The following ZNF516 variants were observed in gnomAD, a reference collection of about 807,000 sequenced individuals.
ZNF516 encodes zinc finger protein 516.
A neutral mutation model predicts 79.7 loss-of-function variants in ZNF516; 19 were observed. The ratio of observed to expected loss-of-function variants is 0.24; its 90% CI spans 0.17 to 0.35. ZNF516 has a LOEUF of 0.35. Among genes scored for constraint, ZNF516 ranks in the 10% least tolerant of loss-of-function variants. The probability of loss-of-function intolerance (pLI) is 1.00; values close to 1 mark genes in which losing one functional copy is unlikely to be tolerated. For missense variants in ZNF516, 1,678 were observed against 1,679.5 expected, an observed-to-expected ratio of 1.00 and a Z score of 0.02; for synonymous variants, 877 against 739.5, an observed-to-expected ratio of 1.19 and a Z score of -3.02.
chr18:76,405,249 A>C lies in ZNF516; in HGVS notation c.1811-24946T>G, dbSNP rs889593563. ...CATCAGACAGACTGTGTCTTTTTTG[A>C]GACAGGGGTTTGACTCTTGCCCAGG... is the stretch of plus-strand genomic sequence containing the variant. On this transcript the variant is annotated intron_variant, in intron 3 of 6. Coordinates refer to ENST00000443185, the MANE Select transcript of ZNF516 (RefSeq NM_014643.4). Among the ~76,000 whole-genome samples, 9 of 151,316 alleles carry C rather than the reference A, an allele frequency of 5.9e-5. 1 individual carries two copies. In the East Asian group the frequency reaches 1.8e-3, roughly 30 times the overall value.
In ZNF516 at chr18:76,441,712, GC is replaced by G; in HGVS notation, c.1342del (p.Ala448ProfsTer12). 1 of 1,572,534 alleles carries G rather than the reference GC, an allele frequency of 6.4e-7. No homozygotes were observed. The highest frequency in any genetic ancestry group is 8.6e-7 in the Non-Finnish European group (1 of 1,163,076). On this transcript the variant is annotated frameshift_variant, in exon 3 of 7. Coordinates refer to ENST00000443185, the MANE Select transcript of ZNF516 (RefSeq NM_014643.4). LOFTEE classifies it high-confidence loss of function. ...GTACTCGCGCCTGTCCTTGTCGAAG[GC>G]CACGTCCCCGGCCAGCGCCTCGTCC... ...AWDEALAGDV[A>X]FDKDRREYVL... is the part of the protein sequence containing the mutation.
rs547051837 is a variant in ZNF516, at chr18:76,360,820, A to G, written c.*1678T>C. 7.0e-6 allele frequency: 1 copy of G among 143,560 alleles called. No individual in the cohort carries two copies. Among genetic ancestry groups the G allele is most frequent in the Non-Finnish European group, 1.5e-5 (1 of 66,970 alleles). The allele number at this position is 143,560 out of a possible 1,614,324, so 8.9% of individuals were successfully genotyped here. A position where few individuals can be genotyped will look rare whatever the true frequency, so the allele number is the denominator to read the frequency against. ...AATAATAATAATAATAATAATAATA[A>G]TATAATAATATTCAACAAATCATTA... On this transcript the variant is annotated 3_prime_UTR_variant, in exon 7 of 7. Transcript: ENST00000443185.
In ZNF516 at chr18:76,379,989, T is replaced by G. The variant is rs760000922; in HGVS notation, c.2125A>C (p.Lys709Gln). 5 of 1,613,812 alleles carry G rather than the reference T, an allele frequency of 3.1e-6. No individual in the cohort carries two copies. The South Asian group carries it at 5.5e-5, about 18-fold the overall frequency. Residue 709 changes from lysine (K) to glutamine (Q), a missense_variant, in exon 4 of 7, where the codon AAG (lysine) becomes CAG (glutamine). By Grantham distance (53) the Lys-to-Gln change is moderately conservative. Around this residue, in one of 5 missense-constraint regions of ZNF516, gnomAD observed 1,294 missense variants for 1,248.3 expected, o/e 1.04. Transcript: ENST00000443185. Reference protein sequence around the residue: ...AEGQTGHPAEKLSDLHNKEHS... With the variant: ...AEGQTGHPAEQLSDLHNKEHS... ...TCCTTGTTGTGCAAATCGGACAGCTTTTCTGCAGGGTGACCCGTCTGGCCC... is the reference window on the plus strand; with the variant it reads ...TCCTTGTTGTGCAAATCGGACAGCTGTTCTGCAGGGTGACCCGTCTGGCCC...
upstream of ZNF516, chr18:76,495,526 T>C (rs1289163819): frequency 9.7e-6 from 2 of 206,806 alleles, no homozygotes; most frequent in Non-Finnish European, 2.1e-5. Context: ...TCTGCCACAC[T>C]GAGGGGACAG....
chr18:76,426,362 T>C (rs1466467675), intron 3 of ZNF516, among the ~76,000 whole-genome samples: 1 of 152,122 alleles, frequency 6.6e-6, no homozygotes, highest in Non-Finnish European at 1.5e-5. Context: ...AGACCAGACA[T>C]TTCCCCCATG....
In ZNF516 at chr18:76,357,875, A is replaced by G. The variant is rs2074478714; in HGVS notation, c.*4623T>C. Among the ~76,000 whole-genome samples the G allele has an allele frequency of 6.6e-6, 1 of 152,134 alleles. No individual in the cohort carries two copies. The highest frequency in any genetic ancestry group is 2.4e-5 in the African/African-American group (1 of 41,428). On this transcript the variant is annotated 3_prime_UTR_variant, in exon 7 of 7. Coordinates refer to ENST00000443185, the MANE Select transcript of ZNF516 (RefSeq NM_014643.4). ...TGCGTCCTGTATGGGTGACAGTGCA[A>G]GGGTAAGAACAGTGGGTGTATTCAG...
intron 2 of ZNF516, among the ~76,000 whole-genome samples, chr18:76,445,614 A>G (rs1911995990): frequency 6.6e-6 from 1 of 152,246 alleles, no homozygotes; most frequent in African/African-American, 2.4e-5. Context: ...GGAAGAAAAG[A>G]AAAACAACTA....
At chr18:76,485,429 G>A (rs753970380) in intron 1 of ZNF516, among the ~76,000 whole-genome samples, 1 of 152,174 alleles carries the variant, frequency 6.6e-6, no homozygotes, top group Non-Finnish European at 1.5e-5. Context: ...TCACGTTCTC[G>A]AAGCAAAGCC....
intron 1 of ZNF516, chr18:76,490,718 G>A (rs2145834003): frequency 5.2e-6 from 5 of 960,306 alleles, no homozygotes; most frequent in East Asian, 1.2e-4. Context: ...CAGGCTGACG[G>A]GGGCAATGCC....
chr18:76,424,917 T>A (rs1373087132), intron 3 of ZNF516, among the ~76,000 whole-genome samples: 1 of 104,844 alleles, frequency 9.5e-6, no homozygotes, highest in African/African-American at 3.8e-5. Flanking sequence ...GAAACACACA[T>A]GCAGGTGAAA....
chr18:76,459,791 A>G lies in ZNF516; in HGVS notation c.-158+3237T>C, dbSNP rs888363708. On this transcript the variant is annotated intron_variant, in intron 2 of 6. Transcript: ENST00000443185. The surrounding 1 kb of genome is among the most constrained non-coding windows in gnomAD (Gnocchi z 5.0). ...CGCGGGAGGATTCAGGGCCAACTGC[A>G]GGCCCCCGGAGACGAGGTTAGACGG... Among the ~76,000 whole-genome samples the G allele has an allele frequency of 2.0e-5, 3 of 152,208 alleles. No individual in the cohort carries two copies. Among genetic ancestry groups the G allele is most frequent in the African/African-American group, 7.2e-5 (3 of 41,452 alleles).
At chr18:76,417,706 C>T (rs1248489514) in intron 3 of ZNF516, among the ~76,000 whole-genome samples, 3 of 152,180 alleles carry the variant, frequency 2.0e-5, no homozygotes, top group Non-Finnish European at 4.4e-5. Flanking sequence ...AAATACCACA[C>T]TCAACATTTT....
intron 2 of ZNF516, among the ~76,000 whole-genome samples, chr18:76,448,623 GTC>G (rs1333444493): frequency 6.6e-6 from 1 of 152,202 alleles, no homozygotes; most frequent in Non-Finnish European, 1.5e-5. Context: ...AGCGGAAGCA[GTC>G]TCTGTCCACA....
chr18:76,458,571 T>C (rs945337548), intron 2 of ZNF516, among the ~76,000 whole-genome samples: 6 of 152,224 alleles, frequency 3.9e-5, no homozygotes, highest in African/African-American at 1.4e-4. Context: ...ACAGGAGTAG[T>C]GCTCGGGACC....
intron 2 of ZNF516, among the ~76,000 whole-genome samples, chr18:76,448,894 C>T (rs1049147077): frequency 6.6e-6 from 1 of 152,170 alleles, no homozygotes; most frequent in Non-Finnish European, 1.5e-5. Flanking sequence ...GAGAAGTTTC[C>T]AGAAGGCCAG....
At position 76,358,010 on chromosome 18, in the gene ZNF516, C is replaced by A. The variant is rs1448956713; in HGVS notation, c.*4488G>T. Among the ~76,000 whole-genome samples the A allele has an allele frequency of 6.6e-6, 1 of 152,202 alleles. No individual in the cohort carries two copies. The highest frequency in any genetic ancestry group is 6.5e-5 in the Admixed American group (1 of 15,284). On this transcript the variant is annotated 3_prime_UTR_variant, in exon 7 of 7. Transcript: ENST00000443185. ...AAGAGTTGGAAAAAAACCACTCGGGCCATCTGGGCATCTGTTCAGATGAAC... is the reference window on the plus strand; with the variant it reads ...AAGAGTTGGAAAAAAACCACTCGGGACATCTGGGCATCTGTTCAGATGAAC...
chr18:76,492,426 C>T, intron 1 of ZNF516: 1 of 953,688 alleles, frequency 1.0e-6, no homozygotes, highest in East Asian at 1.2e-4. Flanking sequence ...GCGCAGCGTT[C>T]AGGAGGCGGG....
At position 76,379,348 on chromosome 18, in the gene ZNF516, G is replaced by A. The variant is rs537261040; in HGVS notation, c.2766C>T (p.Gly922=). The A allele has an allele frequency of 9.5e-5, 151 of 1,592,400 alleles. No individual in the cohort carries two copies. Among genetic ancestry groups the A allele is most frequent in the Non-Finnish European group, 1.1e-4 (127 of 1,168,926 alleles). Residue 922 remains glycine, a synonymous_variant, in exon 4 of 7, where the codon GGC becomes GGT. Transcript: ENST00000443185. ...GGGTGGCGCTCCTGCTGAAGCCCCC[G>A]CCACCCGGGGCAGGCACCGGTTTGG... is the stretch of plus-strand genomic sequence containing the variant. The part of the protein sequence containing the change: ...ASSKPVPAPG[G]GGFSRSATPT...
chr18:76,448,771 G>C (rs189373223), intron 2 of ZNF516, among the ~76,000 whole-genome samples: 18 of 152,220 alleles, frequency 1.2e-4, no homozygotes, highest in African/African-American at 4.1e-4. Context: ...CTCGTATCAG[G>C]AGCCAGAGAA....
Sources: allele counts gnomAD v4.1 joint callset (sites outside exome capture counted in the v4.1 genomes callset), GRCh38; gene constraint gnomAD v4.1.1; regional missense constraint gnomAD v4.1.1; non-coding constraint Gnocchi (gnomAD v3.1); transcripts MANE v1.5; gene names NCBI Gene and HGNC (gene_info 2026-07-23, HGNC 2026-07-21).